ARB2A: variants seen among roughly 807,000 people sequenced by gnomAD.
The protein encoded by ARB2A is cotranscriptional regulator ARB2A.
chr5:94,045,709 CAG>C, the ARB2A span, among the ~76,000 whole-genome samples: 2 of 152,080 alleles, frequency 1.3e-5, no homozygotes, highest in African/African-American at 4.8e-5. Context: ...TGTCAGGACA[CAG>C]AAAGTTTCCC....
chr5:93,899,445 C>T, the ARB2A span, among the ~76,000 whole-genome samples: 4 of 151,930 alleles, frequency 2.6e-5, no homozygotes, highest in African/African-American at 7.2e-5. Context: ...AAAAAAGCAG[C>T]AAGGGTTTAG....
At chr5:94,053,094 T>TAGAC in the ARB2A span, 3 of 1,204,262 alleles carry the variant, frequency 2.5e-6, no homozygotes, top group Non-Finnish European at 3.6e-6. Context: ...GATAGATAGA[T>TAGAC]AGATAGATAG....
the ARB2A span, among the ~76,000 whole-genome samples, chr5:93,960,729 T>A: frequency 1.3e-5 from 2 of 152,192 alleles, no homozygotes; most frequent in Non-Finnish European, 2.9e-5. Flanking sequence ...AAGATTAAAC[T>A]AGTACATAAT....
At chr5:93,821,571 T>A in the ARB2A span, among the ~76,000 whole-genome samples, 1 of 152,110 alleles carries the variant, frequency 6.6e-6, no homozygotes, top group Non-Finnish European at 1.5e-5. Flanking sequence ...TGCCTATTTG[T>A]CAATATTTTA....
the ARB2A span, chr5:93,683,194 A>C: frequency 1.5e-6 from 2 of 1,301,488 alleles, no homozygotes; most frequent in Non-Finnish European, 2.2e-6. Flanking sequence ...CATCATCATC[A>C]TCTTCATCAT....
chr5:93,779,124 T>TGTGTGTGCGCGC, the ARB2A span, among the ~76,000 whole-genome samples: 8 of 146,298 alleles, frequency 5.5e-5, no homozygotes, highest in African/African-American at 1.8e-4. Context: ...TGTGTGTGTG[T>TGTGTGTGCGCGC]GCGCGCGCGC....
At chr5:93,819,014 C>T in the ARB2A span, among the ~76,000 whole-genome samples, 1 of 151,236 alleles carries the variant, frequency 6.6e-6, no homozygotes, top group Non-Finnish European at 1.5e-5. Flanking sequence ...GGTGAAACCC[C>T]GTCTCTACTA....
the ARB2A span, among the ~76,000 whole-genome samples, chr5:93,705,948 C>G: frequency 3.3e-5 from 5 of 152,138 alleles, no homozygotes; most frequent in East Asian, 9.6e-4. Flanking sequence ...GGCCTTTTAA[C>G]CTTACATTAA....
At chr5:93,740,542 C>T in the ARB2A span, 1 of 1,553,564 alleles carries the variant, frequency 6.4e-7, no homozygotes, top group Middle Eastern at 1.8e-4. Flanking sequence ...CTTCTCCCCT[C>T]TCCAACCGTG....
chr5:93,947,683 C>A, the ARB2A span, among the ~76,000 whole-genome samples: 1 of 112,622 alleles, frequency 8.9e-6, no homozygotes, highest in Non-Finnish European at 1.7e-5. Context: ...CACCCCACAA[C>A]AGTCCCCAGA....
chr5:94,016,328 T>C, the ARB2A span, among the ~76,000 whole-genome samples: 5 of 152,210 alleles, frequency 3.3e-5, no homozygotes, highest in Admixed American at 1.3e-4. Context: ...TAAAGTATTA[T>C]GAAAGTGGCT....
chr5:93,876,486 T>G, the ARB2A span, among the ~76,000 whole-genome samples: 1 of 152,132 alleles, frequency 6.6e-6, no homozygotes, highest in Non-Finnish European at 1.5e-5. Context: ...CTGCTCCTAA[T>G]GTCTCAGAAA....
chr5:93,761,844 C>T, the ARB2A span, among the ~76,000 whole-genome samples: 7 of 152,184 alleles, frequency 4.6e-5, no homozygotes, highest in African/African-American at 1.7e-4. Flanking sequence ...GCCAGGTACT[C>T]CTCTGAGACA....
the ARB2A span, among the ~76,000 whole-genome samples, chr5:93,778,932 A>C: frequency 8.9e-4 from 136 of 152,344 alleles, no homozygotes; most frequent in Non-Finnish European, 8.5e-4. Context: ...TGTTTGTAAA[A>C]TTTCAGTTTT....
the ARB2A span, among the ~76,000 whole-genome samples, chr5:93,719,680 T>C: frequency 6.6e-6 from 1 of 152,230 alleles, no homozygotes; most frequent in Non-Finnish European, 1.5e-5. Context: ...TAGGCTCTTA[T>C]GCTTACAAGC....
the ARB2A span, among the ~76,000 whole-genome samples, chr5:93,670,721 A>G: frequency 1.3e-5 from 2 of 152,226 alleles, no homozygotes; most frequent in Non-Finnish European, 2.9e-5. Context: ...ACTTACAAAC[A>G]TAATATTTCT....
chr5:93,935,057 G>T, the ARB2A span, among the ~76,000 whole-genome samples: 7 of 152,214 alleles, frequency 4.6e-5, no homozygotes, highest in Non-Finnish European at 1.0e-4. Context: ...ATGATACAAT[G>T]GACTTTGGGG....
At chr5:93,853,180 G>C in the ARB2A span, among the ~76,000 whole-genome samples, 1 of 152,076 alleles carries the variant, frequency 6.6e-6, no homozygotes, top group Admixed American at 6.5e-5. Context: ...CACGTCCCTT[G>C]TAAGTTGGAT....
chr5:93,741,232 G>A, the ARB2A span: 6 of 1,613,730 alleles, frequency 3.7e-6, no homozygotes, highest in Non-Finnish European at 5.1e-6. Flanking sequence ...CGGCAACTTC[G>A]GAATGCTCCG....
Sources: allele counts gnomAD v4.1 joint callset (sites outside exome capture counted in the v4.1 genomes callset), GRCh38; gene constraint gnomAD v4.1.1; transcripts MANE v1.5; gene names NCBI Gene and HGNC (gene_info 2026-07-23, HGNC 2026-07-21).